PPIG: variants seen among roughly 807,000 people sequenced by gnomAD.
The protein encoded by PPIG is peptidyl-prolyl cis-trans isomerase G.
In PPIG, 26 loss-of-function variants were observed where a neutral mutation model predicts 87.9. The ratio of observed to expected loss-of-function variants is 0.30; its 90% CI spans 0.22 to 0.41. The LOEUF (loss-of-function observed/expected upper bound fraction) is 0.41, where lower values mean the gene tolerates loss of function less well. PPIG is among the 10% of genes least tolerant of loss of function. The pLI is 1.00. For missense variants in PPIG, 722 were observed against 879.4 expected (o/e 0.82, Z 2.26); for synonymous variants, 308 against 276.5 (o/e 1.11, Z -1.13).
At chr2:169,595,205 C>T (rs1043426159) in intron 1 of PPIG, among the ~76,000 whole-genome samples, 2 of 152,186 alleles carry the variant, frequency 1.3e-5, no homozygotes, top group Non-Finnish European at 2.9e-5. Flanking sequence ...TAGGCGTGAG[C>T]CACTGCGCCT....
In PPIG at chr2:169,639,471, AG is replaced by A; in HGVS notation, c.*1949del. On this transcript the variant is annotated 3_prime_UTR_variant, in exon 14 of 14. Transcript: ENST00000260970. ...ATTCTTACATGTTGTCTGATCCCAG[AG>A]CTTTATCTACTAAAAATTATACATA... 6.6e-6 allele frequency: 1 copy of A among 152,188 alleles called. No homozygotes were observed. Among genetic ancestry groups the A allele is most frequent in the Admixed American group, 6.5e-5 (1 of 15,280 alleles). 9.4% of individuals were successfully genotyped at this position (152,188 alleles called of 1,614,324 possible). A position where few individuals can be genotyped will look rare whatever the true frequency, so the allele number is the denominator to read the frequency against.
chr2:169,618,379 G>C (rs557710803), intron 9 of PPIG, among the ~76,000 whole-genome samples: 1 of 152,156 alleles, frequency 6.6e-6, no homozygotes, highest in Non-Finnish European at 1.5e-5. Context: ...AAATGAGTTA[G>C]GGAGGAGTCC....
At chr2:169,605,798 C>CA (rs529519418) in intron 4 of PPIG, among the ~76,000 whole-genome samples, 290 of 148,236 alleles carry the variant, frequency 2.0e-3, no homozygotes, top group African/African-American at 5.8e-3. Context: ...GACTCTGTCT[C>CA]AAAAAAAAAC....
chr2:169,616,522 T>C (rs1313063588), intron 9 of PPIG, among the ~76,000 whole-genome samples: 1 of 152,208 alleles, frequency 6.6e-6, no homozygotes, highest in African/African-American at 2.4e-5. Flanking sequence ...GTTTCCTGAC[T>C]TTTTAATCAC....
intron 9 of PPIG, among the ~76,000 whole-genome samples, chr2:169,626,033 G>A (rs978326472): frequency 2.0e-5 from 3 of 152,138 alleles, no homozygotes; most frequent in African/African-American, 4.8e-5. Context: ...AACAGGCCAC[G>A]GATCAGTACC....
chr2:169,604,310 G>T, intron 4 of PPIG, 49 bp downstream of exon 4: 2 of 1,043,054 alleles, frequency 1.9e-6, no homozygotes, highest in Non-Finnish European at 1.4e-6. Context: ...GTTGACTATG[G>T]CTTGCTTGCT....
chr2:169,629,350 C>A (rs1685977757), intron 9 of PPIG, among the ~76,000 whole-genome samples: 2 of 152,090 alleles, frequency 1.3e-5, no homozygotes, highest in South Asian at 4.1e-4. Context: ...CATAATGATA[C>A]ACACATACAC....
Position 169,584,408 on chromosome 2 carries a change from C to G in PPIG, c.-152C>G, listed in dbSNP as rs997869599. ...GTGGGGGAGGGAGGCGGTTAGCGGG[C>G]TTTAGCGCCTTTTCTGGCGGCGGTA... On this transcript the variant is annotated 5_prime_UTR_variant, in exon 1 of 14. Transcript: ENST00000260970. 1 of 470,960 alleles carries G rather than the reference C, an allele frequency of 2.1e-6. No homozygotes were observed. Among genetic ancestry groups the G allele is most frequent in the African/African-American group, 2.0e-5 (1 of 50,070 alleles). The allele number at this position is 470,960 out of a possible 1,614,324, so 29.2% of individuals were successfully genotyped here. A position where few individuals can be genotyped will look rare whatever the true frequency, so the allele number is the denominator to read the frequency against.
chr2:169,612,818 T>C (rs371869240), intron 7 of PPIG, among the ~76,000 whole-genome samples: 1 of 152,222 alleles, frequency 6.6e-6, no homozygotes, highest in African/African-American at 2.4e-5. Flanking sequence ...CATTGGCATT[T>C]GAGTTTCTTT....
chr2:169,637,690 C>A lies in PPIG; in HGVS notation c.*167C>A, dbSNP rs1686220527. The A allele has an allele frequency of 4.4e-6, 3 of 679,600 alleles. No individual in the cohort carries two copies. Among genetic ancestry groups the A allele is most frequent in the Admixed American group, 3.5e-5 (1 of 28,708 alleles). 42.1% of individuals were successfully genotyped at this position (679,600 alleles called of 1,614,324 possible). A position where few individuals can be genotyped will look rare whatever the true frequency, so the allele number is the denominator to read the frequency against. ...ATTGAGTTGATTTTTTGATAATCTG[C>A]AATCTGGATAATTTGTACTGCTAAA... On this transcript the variant is annotated 3_prime_UTR_variant, in exon 14 of 14. Transcript: ENST00000260970.
chr2:169,602,591 C>T (rs775075538), intron 1 of PPIG, among the ~76,000 whole-genome samples: 15 of 152,288 alleles, frequency 9.8e-5, no homozygotes, highest in Admixed American at 3.3e-4. Flanking sequence ...GGATTACAGG[C>T]GTGAGCCACC....
chr2:169,585,511 G>A (rs1684676639), intron 1 of PPIG, among the ~76,000 whole-genome samples: 1 of 151,908 alleles, frequency 6.6e-6, no homozygotes, highest in Non-Finnish European at 1.5e-5. Context: ...CGCCCACCTC[G>A]GCCTCCCAAA....
Position 169,615,289 on chromosome 2 carries a change from C to T in PPIG, c.547+565C>T, listed in dbSNP as rs866706053. 9.9e-5 allele frequency among the ~76,000 whole-genome samples: 15 copies of T among 152,264 alleles called. No homozygotes were observed. In the South Asian group the frequency reaches 1.0e-3, roughly 11 times the overall value. On this transcript the variant is annotated intron_variant, in intron 9 of 13. Coordinates refer to ENST00000260970, the MANE Select transcript of PPIG (RefSeq NM_004792.3). ...GTCTCGAACTCCTGACTTTGTGATCCGCCTGCCTTGGCCCCCCAAAGTGCT... is the reference window on the plus strand; with the variant it reads ...GTCTCGAACTCCTGACTTTGTGATCTGCCTGCCTTGGCCCCCCAAAGTGCT...
At chr2:169,622,769 A>G (rs939220678) in intron 9 of PPIG, among the ~76,000 whole-genome samples, 2 of 152,230 alleles carry the variant, frequency 1.3e-5, no homozygotes, top group Non-Finnish European at 2.9e-5. Context: ...AACATTGGTC[A>G]GAGTAGATTT....
intron 1 of PPIG, among the ~76,000 whole-genome samples, chr2:169,587,335 G>A (rs980810817): frequency 1.3e-5 from 2 of 151,768 alleles, no homozygotes; most frequent in African/African-American, 4.8e-5. Flanking sequence ...TCCGCCTCCC[G>A]GGTTCAAGCA....
chr2:169,584,887 G>C, intron 1 of PPIG: 1 of 235,160 alleles, frequency 4.3e-6, no homozygotes, highest in Non-Finnish European at 8.5e-6. Flanking sequence ...CTAAGACTCA[G>C]CACTGTTGCG....
At chr2:169,586,933 T>G (rs7556986) in intron 1 of PPIG, among the ~76,000 whole-genome samples, 2,440 of 152,142 alleles carry the variant, frequency 0.016, 69 homozygotes, top group African/African-American at 0.056. Context: ...GCTTTTTGCT[T>G]TTATTTATTT....
At chr2:169,608,496 AAAG>A (rs1165640908) in intron 6 of PPIG, among the ~76,000 whole-genome samples, 172 bp from the exon 7 acceptor site, 2 of 152,144 alleles carry the variant, frequency 1.3e-5, no homozygotes, top group Non-Finnish European at 2.9e-5. Flanking sequence ...TCTCAAAAAA[AAAG>A]ATGAGAGGGG....
intron 1 of PPIG, among the ~76,000 whole-genome samples, chr2:169,601,364 G>T (rs1025941726): frequency 6.6e-6 from 1 of 152,170 alleles, no homozygotes; most frequent in African/African-American, 2.4e-5. Flanking sequence ...GAATAAGACT[G>T]AAAATTCAGG....
Sources: allele counts gnomAD v4.1 joint callset (sites outside exome capture counted in the v4.1 genomes callset), GRCh38; gene constraint gnomAD v4.1.1; transcripts MANE v1.5; gene names NCBI Gene and HGNC (gene_info 2026-07-23, HGNC 2026-07-21).